CTNNA3: variants seen among roughly 807,000 people sequenced by gnomAD.
CTNNA3 encodes the protein catenin alpha-3.
A neutral mutation model predicts 95.7 loss-of-function variants in CTNNA3; 76 were observed. The observed-to-expected ratio is 0.79, with a 90% CI of 0.66 to 0.96. The LOEUF (loss-of-function observed/expected upper bound fraction) is 0.96. Ranked by LOEUF, CTNNA3 falls within the 40% of genes least tolerant of loss-of-function variation. The probability of loss-of-function intolerance (pLI) is 0.00; values close to 1 mark genes in which losing one functional copy is unlikely to be tolerated. For synonymous variants in CTNNA3, 431 were observed against 374.4 expected (o/e 1.15, Z -1.74); for missense variants, 1,191 against 1,089.8 (o/e 1.09, Z -1.31).
chr10:66,043,289 A>G (rs1374208865), intron 15 of CTNNA3, among the ~76,000 whole-genome samples: 2 of 152,142 alleles, frequency 1.3e-5, no homozygotes, highest in African/African-American at 4.8e-5. Context: ...ATATTGGAAG[A>G]TTGTCTTAAA....
At chr10:66,069,598 G>T in intron 14 of CTNNA3, 109 bp from the exon 15 acceptor site, 1 of 747,464 alleles carries the variant, frequency 1.3e-6, no homozygotes, top group Non-Finnish European at 2.1e-6. Flanking sequence ...TAAAATCAGA[G>T]GCACAATATA....
At chr10:66,926,409 C>A (rs1249824344) in intron 7 of CTNNA3, 2 of 695,598 alleles carry the variant, frequency 2.9e-6, no homozygotes, top group South Asian at 1.7e-5. Context: ...GAGTGTTCTG[C>A]GTGGCTGGCA....
At chr10:66,432,931 G>C (rs1461477080) in intron 11 of CTNNA3, among the ~76,000 whole-genome samples, 5 of 152,124 alleles carry the variant, frequency 3.3e-5, no homozygotes, top group Admixed American at 3.3e-4. Context: ...AGTTTGCTGA[G>C]AATGATGGTT....
chr10:66,188,825 A>G (rs534879482), intron 13 of CTNNA3, among the ~76,000 whole-genome samples: 1 of 152,188 alleles, frequency 6.6e-6, no homozygotes, highest in South Asian at 2.1e-4. Flanking sequence ...CACAATGGCT[A>G]CATTAATCTA....
At chr10:66,096,457 T>TA (rs891353412) in intron 14 of CTNNA3, among the ~76,000 whole-genome samples, 1 of 152,048 alleles carries the variant, frequency 6.6e-6, no homozygotes, top group African/African-American at 2.4e-5. Flanking sequence ...TCTCTTTTTT[T>TA]AAAAAATCAT....
intron 11 of CTNNA3, among the ~76,000 whole-genome samples, chr10:66,410,467 G>C (rs2093094403): frequency 1.3e-5 from 2 of 152,238 alleles, no homozygotes; most frequent in South Asian, 4.1e-4. Flanking sequence ...CCTGATGTTA[G>C]GCCCTGGTAC....
At chr10:66,798,443 G>A (rs1162788241) in intron 7 of CTNNA3, among the ~76,000 whole-genome samples, 3 of 151,652 alleles carry the variant, frequency 2.0e-5, no homozygotes, top group Non-Finnish European at 4.4e-5. Flanking sequence ...GGTGTTTAAA[G>A]GTGGAAAAAA....
chr10:67,512,846 A>G (rs935009231), intron 5 of CTNNA3, among the ~76,000 whole-genome samples: 8 of 152,122 alleles, frequency 5.3e-5, no homozygotes, highest in Non-Finnish European at 1.2e-4. Flanking sequence ...TTAGCTAGGC[A>G]TGATGGTACA....
rs1039850400 is a variant in CTNNA3 at position 66,602,387 on chromosome 10, A to T, written c.1374+19305T>A. On this transcript the variant is annotated intron_variant, in intron 10 of 17. Transcript: ENST00000433211. ...TTAAGTTTTAAAGCTTTTTTTAAAA[A>T]AACTGTTTATGTATTTAAGGTTAAT... Among the ~76,000 whole-genome samples, 4 of 152,004 alleles carry T rather than the reference A, an allele frequency of 2.6e-5. No individual in the cohort carries two copies. In the South Asian group the frequency reaches 8.3e-4, roughly 31 times the overall value.
chr10:67,007,505 T>C (rs1005027246), intron 7 of CTNNA3, among the ~76,000 whole-genome samples: 46 of 152,176 alleles, frequency 3.0e-4, no homozygotes, highest in African/African-American at 9.6e-4. Context: ...TTTCACACTG[T>C]AGGCAGTTCA....
intron 12 of CTNNA3, among the ~76,000 whole-genome samples, chr10:66,308,173 A>G (rs2091957231): frequency 6.6e-6 from 1 of 152,220 alleles, no homozygotes; most frequent in African/African-American, 2.4e-5. Flanking sequence ...ATAACATTTT[A>G]TGAAAATATT....
chr10:66,386,216 A>G (rs1564917859), intron 11 of CTNNA3, among the ~76,000 whole-genome samples: 1 of 152,126 alleles, frequency 6.6e-6, no homozygotes, highest in South Asian at 2.1e-4. Context: ...AGCCCAAAAT[A>G]TCCTTAAGCT....
intron 2 of CTNNA3, among the ~76,000 whole-genome samples, chr10:67,640,017 C>CAAG (rs1554868015): frequency 1.3e-5 from 2 of 150,908 alleles, no homozygotes; most frequent in Admixed American, 6.6e-5. Flanking sequence ...GGCAATCAGG[C>CAAG]AGAAGGAAAT....
At chr10:67,739,705 T>A (rs1841324017) in intron 1 of CTNNA3, among the ~76,000 whole-genome samples, 3 of 152,188 alleles carry the variant, frequency 2.0e-5, no homozygotes, top group African/African-American at 7.2e-5. Flanking sequence ...ATAGGAAGAA[T>A]CAATATCGTG....
intron 15 of CTNNA3, among the ~76,000 whole-genome samples, chr10:66,059,605 C>T (rs781547221): frequency 6.6e-6 from 1 of 152,042 alleles, no homozygotes; most frequent in Non-Finnish European, 1.5e-5. Context: ...TTGTTCTCCT[C>T]AATTCTTCTT....
At chr10:66,774,018 G>T (rs1444787066) in intron 8 of CTNNA3, among the ~76,000 whole-genome samples, 3 of 152,246 alleles carry the variant, frequency 2.0e-5, no homozygotes, top group East Asian at 1.9e-4. Flanking sequence ...TGGGTGCCTT[G>T]TGCTTTTATT....
chr10:66,543,250 G>T (rs964185659), intron 10 of CTNNA3, among the ~76,000 whole-genome samples: 1 of 151,960 alleles, frequency 6.6e-6, no homozygotes, highest in Non-Finnish European at 1.5e-5. Flanking sequence ...CTGCCACTGA[G>T]CCCGGCTAAT....
intron 9 of CTNNA3, among the ~76,000 whole-genome samples, chr10:66,637,638 G>T (rs1452105357): frequency 6.6e-6 from 1 of 152,310 alleles, no homozygotes; most frequent in African/African-American, 2.4e-5. Context: ...CAGGAGACAG[G>T]TTGCTTCCTT....
intron 11 of CTNNA3, among the ~76,000 whole-genome samples, chr10:66,480,431 T>G (rs1839479336): frequency 6.6e-6 from 1 of 152,172 alleles, no homozygotes; most frequent in Non-Finnish European, 1.5e-5. Context: ...TTTCAGTACT[T>G]TTCATTTGCT....
Sources: gnomAD v4.1 joint callset for allele counts (sites outside exome capture counted in the v4.1 genomes callset) on GRCh38, gnomAD v4.1.1 for gene constraint, MANE v1.5 for transcripts, NCBI Gene and HGNC (gene_info 2026-07-23, HGNC 2026-07-21) for gene names.